The following CYP4A11 variants were observed in gnomAD, a reference collection of about 807,000 sequenced individuals.
The protein encoded by CYP4A11 is cytochrome P450 family 4 subfamily A member 11, also known as cytochrome P450 4A11.
In CYP4A11, 52 loss-of-function variants were observed where a neutral mutation model predicts 57.7. That is an observed-to-expected ratio of 0.90 (90% CI 0.72 to 1.14). The LOEUF (loss-of-function observed/expected upper bound fraction) is 1.14, where lower values mean the gene tolerates loss of function less well. Among genes scored for constraint, CYP4A11 ranks in the 50% most tolerant of loss-of-function variants. CYP4A11 has a pLI of 0.00. For missense variants in CYP4A11, 641 were observed against 642.1 expected (o/e 1.00, Z 0.02); for synonymous variants, 228 against 247.1 (o/e 0.92, Z 0.72).
Position 46,941,468 on chromosome 1 carries a change from C to CCT in CYP4A11, c.-37_-36dup. ...CCTGCTGGATCTCTGAGTGCCCCTA[C>CCT]CTCTCTCTGACCACCCCCGTCCCCC... On this transcript the variant is annotated 5_prime_UTR_variant, in exon 1 of 12. Coordinates refer to ENST00000310638, the MANE Select transcript of CYP4A11 (RefSeq NM_000778.4). The CCT allele has an allele frequency of 1.9e-6, 3 of 1,602,772 alleles. No individual in the cohort carries two copies. Among genetic ancestry groups the CCT allele is most frequent in the Non-Finnish European group, 2.6e-6 (3 of 1,172,862 alleles).
chr1:46,934,107 C>G lies in CYP4A11; in HGVS notation c.1089-28G>C, dbSNP rs1310228901. Reference sequence around the variant, plus strand: ...GAAACAATTCCATCCTGAACACCAGCAAGGCCTGGGCAGACCAGGGGCCCC... The same window carrying G: ...GAAACAATTCCATCCTGAACACCAGGAAGGCCTGGGCAGACCAGGGGCCCC... On this transcript the variant is annotated intron_variant, in intron 8 of 11. Transcript: ENST00000310638. The G allele has an allele frequency of 4.3e-6, 7 of 1,610,986 alleles. No homozygotes were observed. The East Asian group carries it at 1.1e-4, about 26-fold the overall frequency.
Position 46,929,896 on chromosome 1 carries a change from C to G in CYP4A11, c.*219G>C. On this transcript the variant is annotated 3_prime_UTR_variant, in exon 12 of 12. Coordinates refer to ENST00000310638, the MANE Select transcript of CYP4A11 (RefSeq NM_000778.4). ...CAAGCTCGGCCTCAGCTTCTCCCAACACTCAGCTTTTCTCCCAACAAGAGA... is the reference window on the plus strand; with the variant it reads ...CAAGCTCGGCCTCAGCTTCTCCCAAGACTCAGCTTTTCTCCCAACAAGAGA... 3.4e-6 allele frequency: 2 copies of G among 581,478 alleles called. No individual in the cohort carries two copies. Among genetic ancestry groups the G allele is most frequent in the Non-Finnish European group, 6.0e-6 (2 of 334,156 alleles). The allele number at this position is 581,478 out of a possible 1,614,324, so 36.0% of individuals were successfully genotyped here.
chr1:46,933,772 A>C lies in CYP4A11; in HGVS notation c.1222+174T>G. On this transcript the variant is annotated intron_variant, in intron 9 of 11. Coordinates refer to ENST00000310638, the MANE Select transcript of CYP4A11 (RefSeq NM_000778.4). ...TATTTCTTGAACTTTTGGTGGGTTC[A>C]AGCTCTCAGCCAGACTTTTCAAATT... 1.6e-5 allele frequency: 19 copies of C among 1,163,056 alleles called. No individual in the cohort carries two copies. In the South Asian group the frequency reaches 2.7e-4, roughly 16 times the overall value. The allele number at this position is 1,163,056 out of a possible 1,614,324, so 72.0% of individuals were successfully genotyped here.
chr1:46,939,378 G>A (rs1393314045), intron 1 of CYP4A11, among the ~76,000 whole-genome samples: 2 of 152,100 alleles, frequency 1.3e-5, no homozygotes, highest in East Asian at 1.9e-4. Context: ...CAGTCTAGTT[G>A]GGGGGTAAGA....
In CYP4A11 at chr1:46,930,218, C is replaced by T; in HGVS notation, c.1457G>A (p.Arg486Lys). Residue 486 changes from arginine to lysine, a missense_variant, in exon 12 of 12, where the codon AGG becomes AAG. Arg to Lys is a conservative substitution (Grantham distance 26, BLOSUM62 2). Transcript: ENST00000310638. The part of the protein sequence containing the change: ...LRFELLPDPT[R>K]IPIPIARLVL... ...AAGTCGTGCAATGGGGATGGGGATCCTGGTGGGATCAGGCAGCAGCTCAAA... is the reference window on the plus strand; with the variant it reads ...AAGTCGTGCAATGGGGATGGGGATCTTGGTGGGATCAGGCAGCAGCTCAAA... 1 of 1,614,104 alleles carries T rather than the reference C, an allele frequency of 6.2e-7. No homozygotes were observed. Among genetic ancestry groups the T allele is most frequent in the Non-Finnish European group, 8.5e-7 (1 of 1,179,998 alleles).
chr1:46,935,069 T>A lies in CYP4A11; in HGVS notation c.721A>T (p.Thr241Ser), dbSNP rs1570081271. 6.2e-7 allele frequency: 1 copy of A among 1,614,108 alleles called. No homozygotes were observed. The highest frequency in any genetic ancestry group is 8.5e-7 in the Non-Finnish European group (1 of 1,180,020). The change falls in exon 6 of 12, where the codon ACC (threonine) becomes TCC (serine). Residue 241 changes from threonine (T) to serine (S), a missense_variant. Coordinates refer to ENST00000310638, the MANE Select transcript of CYP4A11 (RefSeq NM_000778.4). ...CCAGCAGAGGTCAGGCTGTAGATGG[T>A]GTCATTCTGGTGAAAGGCATTCCTC... ...RVRNAFHQND[T>S]IYSLTSAGRW... is the part of the protein sequence containing the mutation.
Position 46,930,056 on chromosome 1 carries a change from G to A in CYP4A11, c.*59C>T. On this transcript the variant is annotated 3_prime_UTR_variant, in exon 12 of 12. Coordinates refer to ENST00000310638, the MANE Select transcript of CYP4A11 (RefSeq NM_000778.4). The stretch of plus-strand genomic sequence containing the variant: ...GTGGGCAGACAGAAAACAGGATATG[G>A]GCAGACAGGAAGGGGACAGAAGCGG... 6.5e-7 allele frequency: 1 copy of A among 1,549,362 alleles called. No homozygotes were observed. The highest frequency in any genetic ancestry group is 8.7e-7 in the Non-Finnish European group (1 of 1,145,186).
chr1:46,933,158 T>G (rs1280575913), intron 9 of CYP4A11, 111 bp from the exon 10 acceptor site: 6 of 1,497,868 alleles, frequency 4.0e-6, no homozygotes, highest in Admixed American at 3.9e-5. Flanking sequence ...TCCACAAATT[T>G]TCACTTTGAC....
At position 46,941,219 on chromosome 1, in the gene CYP4A11, C is replaced by T; in HGVS notation, c.195+20G>A. The T allele has an allele frequency of 6.2e-7, 1 of 1,606,526 alleles. No individual in the cohort carries two copies. Among genetic ancestry groups the T allele is most frequent in the Non-Finnish European group, 8.5e-7 (1 of 1,175,438 alleles). Reference sequence around the variant, plus strand: ...CCATCCCTCTTTGCCCTCCCACTCCCCCATTGAGTTCCTCCCTACCTCCTG... The same window carrying T: ...CCATCCCTCTTTGCCCTCCCACTCCTCCATTGAGTTCCTCCCTACCTCCTG... On this transcript the variant is annotated intron_variant, in intron 1 of 11. Coordinates refer to ENST00000310638, the MANE Select transcript of CYP4A11 (RefSeq NM_000778.4).
At chr1:46,936,842 TGTC>T in intron 3 of CYP4A11, 51 bp from the exon 4 acceptor site, 1 of 930,178 alleles carries the variant, frequency 1.1e-6, no homozygotes, top group Non-Finnish European at 1.5e-6. Context: ...TGTGTGTGTG[TGTC>T]AGGGGCTGCA....
intron 6 of CYP4A11, among the ~76,000 whole-genome samples, 191 bp from the exon 7 acceptor site, chr1:46,934,750 T>C (rs977846597): frequency 1.1e-4 from 16 of 152,158 alleles, no homozygotes; most frequent in Non-Finnish European, 8.8e-5. Context: ...GCACAGTTCA[T>C]GGAGGCTCCT....
intron 11 of CYP4A11, among the ~76,000 whole-genome samples, chr1:46,931,170 G>A (rs1163831235): frequency 1.3e-5 from 2 of 152,146 alleles, no homozygotes; most frequent in African/African-American, 4.8e-5. Context: ...TTCATGTGGA[G>A]ATGGCTCAGA....
At chr1:46,938,405 C>G in intron 1 of CYP4A11, among the ~76,000 whole-genome samples, 1 of 152,144 alleles carries the variant, frequency 6.6e-6, no homozygotes, top group Non-Finnish European at 1.5e-5. Context: ...GTCATAAATA[C>G]AACAATTTCC....
rs565263524 is a variant in CYP4A11, at chr1:46,936,839, G to GTGTGTT, written c.383-49_383-48insAACACA. The GTGTGTT allele has an allele frequency of 9.2e-6, 14 of 1,522,650 alleles. No individual in the cohort carries two copies. In the African/African-American group the frequency reaches 1.8e-4, roughly 19 times the overall value. The allele number at this position is 1,522,650 out of a possible 1,614,324, so 94.3% of individuals were successfully genotyped here. On this transcript the variant is annotated intron_variant, in intron 3 of 11. Coordinates refer to ENST00000310638, the MANE Select transcript of CYP4A11 (RefSeq NM_000778.4). ...TTTGTGTGTGTGTGTGTGTGTGTGT[G>GTGTGTT]TGTGTCAGGGGCTGCAAGGAGCTAG...
rs1681333029 is a variant in CYP4A11 at position 46,935,548 on chromosome 1, G to A, written c.610C>T (p.His204Tyr). The change falls in exon 5 of 12, where the codon CAT becomes TAT. Residue 204 changes from histidine (H) to tyrosine (Y), a missense_variant. Physicochemically the swap from His to Tyr is moderately conservative, Grantham distance 83. Transcript: ENST00000310638. ...LDTIMKCAFSHQGSIQVDRNS... is the reference protein window; with the variant it reads ...LDTIMKCAFSYQGSIQVDRNS... The stretch of plus-strand genomic sequence containing the variant: ...CTGTCCACCTGGATGCTGCCCTGAT[G>A]GCTGAAGGCACACTTCATGATGGTG... The A allele has an allele frequency of 6.2e-7, 1 of 1,613,838 alleles. No individual in the cohort carries two copies. The highest frequency in any genetic ancestry group is 1.3e-5 in the African/African-American group (1 of 74,910).
rs1315469922 is a variant in CYP4A11, at chr1:46,934,227, C to T, written c.1037G>A (p.Arg346Lys). ...ALATHPKHQE[R>K]CREEIHSLLG... ...GAGGCTGTGGATCTCCTCCCGGCAC[C>T]TCTCCTGATGCTTGGGGTGTGTGGC... Residue 346 changes from arginine to lysine, a missense_variant, in exon 8 of 12, where the codon AGG becomes AAG. Arg to Lys is a conservative substitution (Grantham distance 26, BLOSUM62 2). Coordinates refer to ENST00000310638, the MANE Select transcript of CYP4A11 (RefSeq NM_000778.4). The T allele has an allele frequency of 6.2e-7, 1 of 1,613,838 alleles. No individual in the cohort carries two copies. The highest frequency in any genetic ancestry group is 2.2e-5 in the East Asian group (1 of 44,826).
Position 46,930,064 on chromosome 1 carries a change from G to A in CYP4A11, c.*51C>T. 1 of 1,563,006 alleles carries A rather than the reference G, an allele frequency of 6.4e-7. No homozygotes were observed. Among genetic ancestry groups the A allele is most frequent in the Non-Finnish European group, 8.7e-7 (1 of 1,152,386 alleles). ...ACAGAAAACAGGATATGGGCAGACAGGAAGGGGACAGAAGCGGGGGTCAGG... is the reference window on the plus strand; with the variant it reads ...ACAGAAAACAGGATATGGGCAGACAAGAAGGGGACAGAAGCGGGGGTCAGG... On this transcript the variant is annotated 3_prime_UTR_variant, in exon 12 of 12. Transcript: ENST00000310638.
In CYP4A11 at chr1:46,934,348, A is replaced by G; in HGVS notation, c.916T>C (p.Leu306=). ...LLAKMENGSI[L]SDKDLRAEVD... is the part of the protein sequence containing the mutation. ...TCAGCACGGAGGTCCTTGTCTGACAAGATGCTCCCATTCTCCATCTGGGAA... is the reference window on the plus strand; with the variant it reads ...TCAGCACGGAGGTCCTTGTCTGACAGGATGCTCCCATTCTCCATCTGGGAA... Residue 306 remains leucine, a synonymous_variant, in exon 8 of 12, where the codon TTG becomes CTG. Coordinates refer to ENST00000310638, the MANE Select transcript of CYP4A11 (RefSeq NM_000778.4). 6.3e-7 allele frequency: 1 copy of G among 1,589,616 alleles called. No individual in the cohort carries two copies. The highest frequency in any genetic ancestry group is 8.6e-7 in the Non-Finnish European group (1 of 1,166,020).
Position 46,938,153 on chromosome 1 carries a change from G to C in CYP4A11, c.196-16C>G, listed in dbSNP as rs370096017. 6.2e-6 allele frequency: 10 copies of C among 1,614,016 alleles called. No homozygotes were observed. Among genetic ancestry groups the C allele is most frequent in the African/African-American group, 1.3e-5 (1 of 74,920 alleles). Reference sequence around the variant, plus strand: ...CCTGTTGGAGCTGTCAACAAGGGTAGACAGATGAACACTTTCATTTACTTC... The same window carrying C: ...CCTGTTGGAGCTGTCAACAAGGGTACACAGATGAACACTTTCATTTACTTC... On this transcript the variant is annotated splice_polypyrimidine_tract_variant and intron_variant, in intron 1 of 11. Transcript: ENST00000310638.
Sources: gnomAD v4.1 joint callset for allele counts (sites outside exome capture counted in the v4.1 genomes callset) on GRCh38, gnomAD v4.1.1 for gene constraint, MANE v1.5 for transcripts, NCBI Gene and HGNC (gene_info 2026-07-23, HGNC 2026-07-21) for gene names.